The following RIMS1 variants were observed in gnomAD, a reference collection of about 807,000 sequenced individuals.
RIMS1 encodes the protein regulating synaptic membrane exocytosis 1.
Under a neutral mutation model 214.1 loss-of-function variants are expected in RIMS1, and 83 were observed. That is an observed-to-expected ratio of 0.39 (90% CI 0.32 to 0.47). RIMS1 has a LOEUF of 0.47. Ranked by LOEUF, RIMS1 falls within the 20% of genes least tolerant of loss-of-function variation. RIMS1 has a pLI of 0.99. For missense variants in RIMS1, 2,050 were observed against 2,161.8 expected (o/e 0.95, Z 1.03); for synonymous variants, 793 against 786.8 (o/e 1.01, Z -0.13).
intron 2 of RIMS1, among the ~76,000 whole-genome samples, chr6:72,028,449 T>C (rs1003226360): frequency 3.9e-5 from 6 of 152,206 alleles, no homozygotes; most frequent in Non-Finnish European, 8.8e-5. Flanking sequence ...GTGTGAAATT[T>C]CATATATAAT....
chr6:72,143,656 C>G (rs536958124), intron 4 of RIMS1, among the ~76,000 whole-genome samples: 1 of 152,172 alleles, frequency 6.6e-6, no homozygotes, highest in Non-Finnish European at 1.5e-5. Context: ...CCTTCTATCA[C>G]GCTGTGTTGG....
At chr6:72,181,720 G>A (rs559199881) in intron 5 of RIMS1, among the ~76,000 whole-genome samples, 447 of 152,294 alleles carry the variant, frequency 2.9e-3, no homozygotes, top group Non-Finnish European at 4.7e-3. Flanking sequence ...GCAACTTCAG[G>A]GAGAAGCAAG....
At chr6:72,095,242 C>A (rs948389139) in intron 2 of RIMS1, among the ~76,000 whole-genome samples, 1 of 150,602 alleles carries the variant, frequency 6.6e-6, no homozygotes, top group African/African-American at 2.4e-5. Flanking sequence ...GGATTACAGG[C>A]GTGAGCCACC....
intron 31 of RIMS1, among the ~76,000 whole-genome samples, chr6:72,393,023 A>G (rs1329350928): frequency 6.6e-6 from 1 of 151,696 alleles, no homozygotes; most frequent in Non-Finnish European, 1.5e-5. Flanking sequence ...AAATATTTGA[A>G]TTACCAGAAA....
intron 23 of RIMS1, among the ~76,000 whole-genome samples, chr6:72,282,329 T>A (rs935583773): frequency 6.6e-6 from 1 of 152,058 alleles, no homozygotes; most frequent in Non-Finnish European, 1.5e-5. Flanking sequence ...GGAACAAGAT[T>A]CCATTCCCAA....
intron 2 of RIMS1, among the ~76,000 whole-genome samples, chr6:72,005,327 T>G (rs913990229): frequency 1.3e-5 from 2 of 152,214 alleles, no homozygotes; most frequent in Non-Finnish European, 2.9e-5. Flanking sequence ...TTTGTTCTTT[T>G]GGCTTAGGAT....
chr6:72,399,619 A>G (rs963579864), intron 33 of RIMS1, among the ~76,000 whole-genome samples: 1 of 151,684 alleles, frequency 6.6e-6, no homozygotes, highest in African/African-American at 2.4e-5. Flanking sequence ...GCTTATATAC[A>G]TTATTTAAAT....
At chr6:72,185,780 G>T (rs967664642) in intron 6 of RIMS1, among the ~76,000 whole-genome samples, 1 of 152,174 alleles carries the variant, frequency 6.6e-6, no homozygotes, top group African/African-American at 2.4e-5. Flanking sequence ...ACTATGCATT[G>T]CCATAAAGTT....
chr6:72,136,689 A>T (rs1262582803), intron 4 of RIMS1, among the ~76,000 whole-genome samples: 1 of 152,140 alleles, frequency 6.6e-6, no homozygotes, highest in East Asian at 1.9e-4. Context: ...TATTTACTTT[A>T]GGAAGATAAG....
At chr6:72,167,857 T>C (rs1241153147) in intron 4 of RIMS1, among the ~76,000 whole-genome samples, 1 of 151,896 alleles carries the variant, frequency 6.6e-6, no homozygotes, top group Non-Finnish European at 1.5e-5. Flanking sequence ...TTATTAATCC[T>C]TTCAATAAAC....
At chr6:72,278,513 T>A (rs894546094) in intron 23 of RIMS1, among the ~76,000 whole-genome samples, 2 of 152,120 alleles carry the variant, frequency 1.3e-5, no homozygotes, top group Admixed American at 1.3e-4. Flanking sequence ...GACAAACAAA[T>A]CACAAACTTT....
rs1217074398 is a variant in RIMS1, at chr6:72,105,528, C to T, written c.471+5542C>T. ...TTCTATTCCTTGGGTTACATGAACT[C>T]ATTCATTTATTCATTTATTCAGGGA... is the stretch of plus-strand genomic sequence containing the variant. On this transcript the variant is annotated intron_variant, in intron 4 of 33. Transcript: ENST00000521978. Among the ~76,000 whole-genome samples the T allele has an allele frequency of 3.3e-5, 5 of 152,008 alleles. No homozygotes were observed. In the East Asian group the frequency reaches 9.6e-4, roughly 29 times the overall value.
At chr6:72,366,840 A>T (rs1595425305) in intron 29 of RIMS1, 1 of 985,318 alleles carries the variant, frequency 1.0e-6, no homozygotes, top group East Asian at 1.1e-4. Flanking sequence ...TTTAATGCTG[A>T]TACTTAATTT....
intron 29 of RIMS1, among the ~76,000 whole-genome samples, chr6:72,369,802 A>G (rs1595519499): frequency 6.6e-6 from 1 of 152,350 alleles, no homozygotes; most frequent in Middle Eastern, 3.4e-3. Flanking sequence ...AAACACTAAG[A>G]TGCTGGTAGG....
intron 2 of RIMS1, among the ~76,000 whole-genome samples, chr6:72,010,633 C>T (rs1452677884): frequency 6.6e-6 from 1 of 152,152 alleles, no homozygotes; most frequent in Admixed American, 6.5e-5. Context: ...TCAGCAAAGT[C>T]TCAGGATACA....
chr6:72,158,744 A>AT lies in RIMS1; in HGVS notation c.472-20826dup, dbSNP rs1397220172. On this transcript the variant is annotated intron_variant, in intron 4 of 33. Transcript: ENST00000521978. ...TCCCTACAAAGGACATGAACTCATC[A>AT]TTTTTATGGCTGCATAGTATTCCAT... 2.2e-3 allele frequency among the ~76,000 whole-genome samples: 304 copies of AT among 139,278 alleles called. 14 individuals carry two copies. Among genetic ancestry groups the AT allele is most frequent in the Middle Eastern group, 7.2e-3 (2 of 278 alleles). The allele number at this position is 139,278 out of a possible 152,430, so 91.4% of individuals were successfully genotyped here. A position where few individuals can be genotyped will look rare whatever the true frequency, so the allele number is the denominator to read the frequency against.
At chr6:72,341,632 G>C (rs1041834723) in intron 29 of RIMS1, among the ~76,000 whole-genome samples, 1 of 151,728 alleles carries the variant, frequency 6.6e-6, no homozygotes, top group Non-Finnish European at 1.5e-5. Flanking sequence ...ATTTACACTG[G>C]AAGGAAATCA....
At chr6:72,346,411 C>T (rs1425866026) in intron 29 of RIMS1, among the ~76,000 whole-genome samples, 2 of 151,810 alleles carry the variant, frequency 1.3e-5, no homozygotes, top group South Asian at 4.1e-4. Flanking sequence ...TTCCTCAAGT[C>T]AAGTCCACCT....
chr6:71,983,325 G>A (rs991118152), intron 2 of RIMS1, among the ~76,000 whole-genome samples: 4 of 151,996 alleles, frequency 2.6e-5, no homozygotes, highest in East Asian at 3.9e-4. Context: ...CACCAAGAGC[G>A]TGCTTATGCT....
Sources: gnomAD v4.1 joint callset for allele counts (sites outside exome capture counted in the v4.1 genomes callset) on GRCh38, gnomAD v4.1.1 for gene constraint, MANE v1.5 for transcripts, NCBI Gene and HGNC (gene_info 2026-07-23, HGNC 2026-07-21) for gene names.